The following SOX5 variants were observed in gnomAD, a reference collection of about 807,000 sequenced individuals.
The protein encoded by SOX5 is SRY-box transcription factor 5, also known as transcription factor SOX-5.
Under a neutral mutation model 92.0 loss-of-function variants are expected in SOX5, and 9 were observed. The observed-to-expected ratio is 0.10, with a 90% CI of 0.06 to 0.17. The LOEUF is 0.17. Ranked by LOEUF, SOX5 falls within the 10% of genes least tolerant of loss-of-function variation. The probability of loss-of-function intolerance (pLI) is 1.00; values close to 1 mark genes in which losing one functional copy is unlikely to be tolerated. For synonymous variants in SOX5, 344 were observed against 336.3 expected (o/e 1.02, Z -0.25); for missense variants, 642 against 944.5 (o/e 0.68, Z 4.20).
chr12:24,279,801 T>G (rs527269299), intron 2 of SOX5, among the ~76,000 whole-genome samples: 6 of 152,290 alleles, frequency 3.9e-5, no homozygotes, highest in African/African-American at 1.4e-4. Flanking sequence ...TAGTGATCCG[T>G]TCTATCACAT....
At chr12:23,640,747 C>A in intron 8 of SOX5, 65 bp downstream of exon 8, 1 of 1,160,718 alleles carries the variant, frequency 8.6e-7, no homozygotes, top group South Asian at 1.2e-5. Flanking sequence ...TTTGCTTTAA[C>A]ACCATAATAG....
chr12:23,947,404 T>C (rs1281933878), intron 1 of SOX5, among the ~76,000 whole-genome samples: 1 of 151,898 alleles, frequency 6.6e-6, no homozygotes, highest in East Asian at 1.9e-4. Context: ...ATACCTCCTT[T>C]GAAGAATATA....
At chr12:23,711,627 T>A (rs1319212619) in intron 6 of SOX5, among the ~76,000 whole-genome samples, 16 of 152,160 alleles carry the variant, frequency 1.1e-4, no homozygotes, top group Admixed American at 2.0e-4. Flanking sequence ...ATATAGCTTA[T>A]AAAACACATG....
intron 4 of SOX5, among the ~76,000 whole-genome samples, chr12:23,961,750 G>A (rs59882757): frequency 0.055 from 8,349 of 152,106 alleles, 570 homozygotes; most frequent in East Asian, 0.23. Flanking sequence ...ATTGTATGTA[G>A]TACCACTGCA....
chr12:24,422,526 C>A (rs1966087130), intron 1 of SOX5, among the ~76,000 whole-genome samples: 1 of 152,102 alleles, frequency 6.6e-6, no homozygotes, highest in South Asian at 2.1e-4. Context: ...TCACCTGAAC[C>A]CACAACAAAC....
chr12:23,821,540 A>C (rs1166257166), intron 3 of SOX5, among the ~76,000 whole-genome samples: 1 of 152,126 alleles, frequency 6.6e-6, no homozygotes, highest in Admixed American at 6.6e-5. Context: ...TTGCCCATTC[A>C]GTATATGGGC....
At chr12:23,677,426 C>G (rs1306834179) in intron 6 of SOX5, among the ~76,000 whole-genome samples, 1 of 152,130 alleles carries the variant, frequency 6.6e-6, no homozygotes. Context: ...AATTGAGACA[C>G]TGTGTGCCAT....
chr12:23,903,496 T>C (rs751617065), intron 1 of SOX5, among the ~76,000 whole-genome samples: 11 of 152,116 alleles, frequency 7.2e-5, no homozygotes, highest in South Asian at 2.1e-4. Context: ...AGGTGGAGGA[T>C]TGCTTGAGCC....
intron 4 of SOX5, among the ~76,000 whole-genome samples, chr12:24,053,186 C>T (rs1479872755): frequency 1.1e-4 from 16 of 144,528 alleles, no homozygotes; most frequent in South Asian, 2.2e-4. Context: ...ACGCCCCCCC[C>T]CTTTTTTTTT....
At chr12:24,101,784 C>T (rs1039480125) in intron 4 of SOX5, among the ~76,000 whole-genome samples, 7 of 152,106 alleles carry the variant, frequency 4.6e-5, no homozygotes. Flanking sequence ...GAAAGATTTG[C>T]TCAGGGAATG....
chr12:23,673,283 T>G (rs2085096048), intron 6 of SOX5, among the ~76,000 whole-genome samples: 2 of 152,144 alleles, frequency 1.3e-5, no homozygotes, highest in African/African-American at 4.8e-5. Flanking sequence ...TTTACACAGC[T>G]GGTGCTTGAT....
intron 1 of SOX5, among the ~76,000 whole-genome samples, chr12:24,446,158 T>C (rs1297031137): frequency 1.3e-5 from 2 of 152,184 alleles, no homozygotes; most frequent in Non-Finnish European, 2.9e-5. Flanking sequence ...CCTACCTACA[T>C]ATATTCTAAT....
chr12:23,536,040 A>G (rs916726665), intron 14 of SOX5, among the ~76,000 whole-genome samples: 1 of 152,190 alleles, frequency 6.6e-6, no homozygotes, highest in African/African-American at 2.4e-5. Context: ...TAACCTCTCT[A>G]TATTTAGAAA....
chr12:24,414,216 C>T (rs746768316), intron 1 of SOX5, among the ~76,000 whole-genome samples: 5 of 151,998 alleles, frequency 3.3e-5, no homozygotes, highest in Admixed American at 6.5e-5. Context: ...TTATTATTAT[C>T]CTTGAGCACA....
chr12:23,838,842 T>TGGGGC (rs1568222438), intron 3 of SOX5, among the ~76,000 whole-genome samples: 1 of 22,728 alleles, frequency 4.4e-5, no homozygotes, highest in Non-Finnish European at 1.2e-4. Flanking sequence ...TTCTTTTTTT[T>TGGGGC]TGGGGGGGGG....
At chr12:24,462,804 T>C (rs769792101) in intron 1 of SOX5, among the ~76,000 whole-genome samples, 1 of 152,212 alleles carries the variant, frequency 6.6e-6, no homozygotes, top group South Asian at 2.1e-4. Context: ...TGAATTCAGA[T>C]AAATTTTAAT....
At chr12:23,669,586 A>G (rs1021225736) in intron 6 of SOX5, among the ~76,000 whole-genome samples, 11 of 152,124 alleles carry the variant, frequency 7.2e-5, no homozygotes, top group African/African-American at 2.2e-4. Context: ...ACCAAGTGGG[A>G]AGTTAATATA....
chr12:24,521,448 T>C (rs1010874348), intron 1 of SOX5, among the ~76,000 whole-genome samples: 1 of 152,160 alleles, frequency 6.6e-6, no homozygotes, highest in African/African-American at 2.4e-5. Context: ...TAAAATACTA[T>C]GAATCAAATG....
rs545590292 is a variant in SOX5 at position 23,999,846 on chromosome 12, A to C, written c.-1-103822T>G. ...GAACAAATAATGAGAGAGTACTGTT[A>C]TATTGCTATACCTTCCTTATAATAA... On this transcript the variant is annotated intron_variant, in intron 4 of 4. Transcript: ENST00000446891. Among the ~76,000 whole-genome samples, 3 of 152,064 alleles carry C rather than the reference A, an allele frequency of 2.0e-5. No homozygotes were observed. In the South Asian group the frequency reaches 6.2e-4, roughly 31 times the overall value.
Sources: gnomAD v4.1 joint callset for allele counts (sites outside exome capture counted in the v4.1 genomes callset) on GRCh38, gnomAD v4.1.1 for gene constraint, MANE v1.5 for transcripts, NCBI Gene and HGNC (gene_info 2026-07-23, HGNC 2026-07-21) for gene names.